RIPOR3: variants seen among roughly 807,000 people sequenced by gnomAD.
The protein encoded by RIPOR3 is RIPOR family member 3.
Under a neutral mutation model 114.3 loss-of-function variants are expected in RIPOR3, and 95 were observed. The observed-to-expected ratio is 0.83, with a 90% confidence interval of 0.70 to 0.99. The LOEUF is 0.99. RIPOR3 is among the 50% of genes least tolerant of loss of function. The pLI is 0.00. For synonymous variants in RIPOR3, 575 were observed against 543.8 expected (o/e 1.06, Z -0.80); for missense variants, 1,252 against 1,266.9 (o/e 0.99, Z 0.18).
At position 50,681,878 on chromosome 20, in the gene RIPOR3, C is replaced by CA. The variant is rs1233259844; in HGVS notation, c.3+9247dup. Among the ~76,000 whole-genome samples, 3 of 152,232 alleles carry CA rather than the reference C, an allele frequency of 2.0e-5. No homozygotes were observed. In the East Asian group the frequency reaches 5.8e-4, roughly 29 times the overall value. On this transcript the variant is annotated intron_variant, in intron 1 of 21. Transcript: ENST00000327979. ...TGTGCCACAAAGATGTGGGACGTCA[C>CA]AAACACGCAGCCCATTCAAGGCTTT...
At chr20:50,595,728 G>A (rs2083265306) in intron 15 of RIPOR3, among the ~76,000 whole-genome samples, 2 of 152,232 alleles carry the variant, frequency 1.3e-5, no homozygotes, top group Admixed American at 1.3e-4. Context: ...CAACCTGCCT[G>A]AAAGTGAAGC....
chr20:50,594,323 A>C (rs2083213753), intron 17 of RIPOR3, among the ~76,000 whole-genome samples: 1 of 150,958 alleles, frequency 6.6e-6, no homozygotes. Context: ...GTTTGCACGC[A>C]GCTTCAGGGC....
At position 50,608,650 on chromosome 20, in the gene RIPOR3, G is replaced by C. The variant is rs759386319; in HGVS notation, c.773C>G (p.Ala258Gly). Residue 258 changes from alanine (A) to glycine (G), a missense_variant, in exon 10 of 22, where the codon GCC becomes GGC. Ala to Gly is a moderately conservative substitution (Grantham distance 60). Transcript: ENST00000327979. ...DSQTWDEEEK[A>G]FIPTLHENLD... ...GTTCTCATGCAGCGTGGGGATGAAG[G>C]CCTTCTCCTCTTCGTCCCAGGTCTG... The C allele has an allele frequency of 1.2e-6, 2 of 1,614,044 alleles. No individual in the cohort carries two copies. The highest frequency in any genetic ancestry group is 2.2e-5 in the South Asian group (2 of 91,082).
At chr20:50,595,044 T>A (rs1298751341) in intron 16 of RIPOR3, 1 of 485,250 alleles carries the variant, frequency 2.1e-6, no homozygotes, top group Non-Finnish European at 3.7e-6. Context: ...GACGGCACAT[T>A]CTGCACCTTG....
At chr20:50,678,851 C>G (rs181387235) in intron 1 of RIPOR3, among the ~76,000 whole-genome samples, 1 of 151,828 alleles carries the variant, frequency 6.6e-6, no homozygotes, top group Non-Finnish European at 1.5e-5. Flanking sequence ...TGCCTGTAAT[C>G]CCAGCACTTT....
chr20:50,631,427 G>T (rs1223256573), intron 1 of RIPOR3, among the ~76,000 whole-genome samples: 1 of 152,338 alleles, frequency 6.6e-6, no homozygotes. Context: ...GTCTAAGGCC[G>T]AGGGAACAGC....
At chr20:50,664,563 A>G (rs1263585707) in intron 1 of RIPOR3, among the ~76,000 whole-genome samples, 1 of 152,236 alleles carries the variant, frequency 6.6e-6, no homozygotes, top group East Asian at 1.9e-4. Context: ...TGGCTGAGTC[A>G]GGAGGGTTCT....
Position 50,609,625 on chromosome 20 carries a change from G to A in RIPOR3, c.524C>T (p.Ala175Val), listed in dbSNP as rs2083874168. The change falls in exon 7 of 22, where the codon GCA becomes GTA. Residue 175 changes from alanine (A) to valine (V), a missense_variant. Transcript: ENST00000327979. ...RAFARCPPSR[A>V]ARESLQELGR... ...CAGCTCCTGCAGGCTCTCTCGGGCT[G>A]CGCGGCTCGGGGGGCACCGGGCGAA... The A allele has an allele frequency of 1.4e-6, 2 of 1,406,314 alleles. No individual in the cohort carries two copies. The highest frequency in any genetic ancestry group is 3.3e-5 in the Admixed American group (1 of 30,248). 87.1% of individuals were successfully genotyped at this position (1,406,314 alleles called of 1,614,324 possible).
chr20:50,641,530 G>T (rs1299084181), intron 1 of RIPOR3, among the ~76,000 whole-genome samples: 1 of 152,182 alleles, frequency 6.6e-6, no homozygotes, highest in Non-Finnish European at 1.5e-5. Flanking sequence ...CTACAGGTGT[G>T]AGCCCCACAC....
chr20:50,688,885 T>C lies in RIPOR3; in HGVS notation c.3+2241A>G, dbSNP rs566894875. 3.3e-5 allele frequency among the ~76,000 whole-genome samples: 5 copies of C among 152,216 alleles called. No individual in the cohort carries two copies. The South Asian group carries it at 1.0e-3, about 32-fold the overall frequency. On this transcript the variant is annotated intron_variant, in intron 1 of 21. Transcript: ENST00000327979. Reference sequence around the variant, plus strand: ...CTCCCCAGGATGAACTGGGGGACCCTGGGGGGAGCACTGAGGTTCTGATGG... The same window carrying C: ...CTCCCCAGGATGAACTGGGGGACCCCGGGGGGAGCACTGAGGTTCTGATGG...
At chr20:50,643,320 A>G (rs1042961619) in intron 1 of RIPOR3, among the ~76,000 whole-genome samples, 3 of 146,490 alleles carry the variant, frequency 2.0e-5, no homozygotes, top group Admixed American at 6.8e-5. Flanking sequence ...TTTTTTTAGT[A>G]GAGTTGGGGT....
At chr20:50,626,230 G>A (rs1182268869) in intron 2 of RIPOR3, among the ~76,000 whole-genome samples, 1 of 152,374 alleles carries the variant, frequency 6.6e-6, no homozygotes, top group African/African-American at 2.4e-5. Context: ...CTTCCCCGTC[G>A]GTGTGGGCAG....
Position 50,631,782 on chromosome 20 carries a change from A to C in RIPOR3, c.4-926T>G, listed in dbSNP as rs914451680. 5.3e-5 allele frequency among the ~76,000 whole-genome samples: 8 copies of C among 152,252 alleles called. No homozygotes were observed. The East Asian group carries it at 1.5e-3, about 29-fold the overall frequency. On this transcript the variant is annotated intron_variant, in intron 1 of 21. Transcript: ENST00000327979. ...TTTCCAAACCATCTCTAGATTGAGA[A>C]AATGCCACCCTATCCCTTGGGAATA...
rs888404655 is a variant in RIPOR3, at chr20:50,672,120, T to G, written c.3+19006A>C. Reference sequence around the variant, plus strand: ...GTGTGAATATCACAGAATCAGGAAGTGAAGCCCAATCAGTAAGTCCCGATG... The same window carrying G: ...GTGTGAATATCACAGAATCAGGAAGGGAAGCCCAATCAGTAAGTCCCGATG... On this transcript the variant is annotated intron_variant, in intron 1 of 21. Transcript: ENST00000327979. Among the ~76,000 whole-genome samples the G allele has an allele frequency of 2.5e-4, 38 of 151,998 alleles. 1 individual carries two copies. Among genetic ancestry groups the G allele is most frequent in the Non-Finnish European group, 1.5e-4 (10 of 67,996 alleles).
At chr20:50,679,104 CAAAAAAAAAAA>C (rs1215128742) in intron 1 of RIPOR3, among the ~76,000 whole-genome samples, 4 of 35,982 alleles carry the variant, frequency 1.1e-4, no homozygotes, top group African/African-American at 8.6e-4. Flanking sequence ...GATCCTGTCT[CAAAAAAAAAAA>C]AAAAAAAAAA....
At chr20:50,681,667 C>A (rs558246590) in intron 1 of RIPOR3, among the ~76,000 whole-genome samples, 1 of 152,306 alleles carries the variant, frequency 6.6e-6, no homozygotes, top group East Asian at 1.9e-4. Context: ...TGCAACAGTG[C>A]CTGTCACGGA....
intron 2 of RIPOR3, among the ~76,000 whole-genome samples, chr20:50,623,787 G>C (rs925291116): frequency 1.4e-4 from 21 of 152,264 alleles, no homozygotes; most frequent in Admixed American, 7.2e-4. Context: ...AGCTCGCTAA[G>C]GGCTTTATAG....
Position 50,638,503 on chromosome 20 carries a change from A to G in RIPOR3, c.4-7647T>C, listed in dbSNP as rs57895789. 2.4e-3 allele frequency among the ~76,000 whole-genome samples: 373 copies of G among 152,262 alleles called. 12 individuals are homozygous for G. The East Asian group carries it at 0.055, about 22-fold the overall frequency. ...GCATTTTAATTCAAATGGCCCCATC[A>G]CTGCCTCGTCACCACTCCCACCAGC... On this transcript the variant is annotated intron_variant, in intron 1 of 21. Transcript: ENST00000327979.
At chr20:50,633,305 T>C (rs1421291960) in intron 1 of RIPOR3, among the ~76,000 whole-genome samples, 2 of 152,080 alleles carry the variant, frequency 1.3e-5, no homozygotes, top group Non-Finnish European at 2.9e-5. Flanking sequence ...AATTGTTAAA[T>C]GTTCAGGAAT....
Sources: allele counts gnomAD v4.1 joint callset (sites outside exome capture counted in the v4.1 genomes callset), GRCh38; gene constraint gnomAD v4.1.1; transcripts MANE v1.5; gene names NCBI Gene and HGNC (gene_info 2026-07-23, HGNC 2026-07-21).